The following CSMD1 variants were observed in gnomAD, a reference collection of about 807,000 sequenced individuals.
CSMD1 encodes the protein CUB and Sushi multiple domains 1.
In CSMD1, 213 loss-of-function variants were observed where a neutral mutation model predicts 417.5. The observed-to-expected ratio is 0.51, with a 90% CI of 0.46 to 0.57. The LOEUF (loss-of-function observed/expected upper bound fraction) is 0.57. Ranked by LOEUF, CSMD1 falls within the 20% of genes least tolerant of loss-of-function variation. The pLI is 0.00. For missense variants in CSMD1, 6,923 were observed against 4,529.7 expected (o/e 1.53, Z -15.17); for synonymous variants, 2,862 against 1,736.8 (o/e 1.65, Z -16.11).
At position 3,528,992 on chromosome 8, in the gene CSMD1, T is replaced by A. The variant is rs1015660053; in HGVS notation, c.1345-35266A>T. On this transcript the variant is annotated intron_variant, in intron 10 of 69. Transcript: ENST00000635120. ...CAGTTGATATACATTTATACTGACA[T>A]ATTTTCAGAAGCCCAAAATATTATC... 2.0e-5 allele frequency among the ~76,000 whole-genome samples: 3 copies of A among 152,226 alleles called. No homozygotes were observed. In the East Asian group the frequency reaches 5.8e-4, roughly 29 times the overall value.
chr8:3,014,451 T>A (rs924654702), intron 52 of CSMD1, among the ~76,000 whole-genome samples: 5 of 152,192 alleles, frequency 3.3e-5, no homozygotes, highest in African/African-American at 1.2e-4. Flanking sequence ...GGATATGAGT[T>A]TCACTCTAGG....
intron 3 of CSMD1, among the ~76,000 whole-genome samples, chr8:4,171,296 C>T (rs1008154367): frequency 1.3e-5 from 2 of 152,008 alleles, no homozygotes; most frequent in South Asian, 4.1e-4. Context: ...TTGTAAGCAA[C>T]CCTACGCCAG....
At chr8:4,966,431 G>A (rs1290852072) in intron 1 of CSMD1, among the ~76,000 whole-genome samples, 2 of 152,032 alleles carry the variant, frequency 1.3e-5, no homozygotes, top group African/African-American at 2.4e-5. Flanking sequence ...CCGGTATTTG[G>A]AACACATTTC....
At chr8:3,525,194 C>G (rs896604969) in intron 10 of CSMD1, among the ~76,000 whole-genome samples, 2 of 152,104 alleles carry the variant, frequency 1.3e-5, no homozygotes, top group Admixed American at 1.3e-4. Flanking sequence ...GAGACTCAGC[C>G]GTCAGAAATC....
intron 2 of CSMD1, among the ~76,000 whole-genome samples, chr8:4,476,618 G>C (rs912631368): frequency 6.6e-6 from 1 of 152,168 alleles, no homozygotes; most frequent in Non-Finnish European, 1.5e-5. Flanking sequence ...GAGGGTTTGA[G>C]ACTGCCTTTA....
At chr8:4,128,058 G>A (rs138200371) in intron 3 of CSMD1, among the ~76,000 whole-genome samples, 9 of 152,138 alleles carry the variant, frequency 5.9e-5, no homozygotes, top group African/African-American at 1.2e-4. Context: ...CATCTCAAGA[G>A]CAGTGGACAA....
At chr8:4,407,420 T>C (rs1214055592) in intron 3 of CSMD1, among the ~76,000 whole-genome samples, 2 of 152,220 alleles carry the variant, frequency 1.3e-5, no homozygotes, top group African/African-American at 4.8e-5. Context: ...TGCTGCAAAT[T>C]CAAACAATTG....
intron 2 of CSMD1, among the ~76,000 whole-genome samples, chr8:4,506,839 C>G (rs1366988607): frequency 6.6e-6 from 1 of 152,080 alleles, no homozygotes; most frequent in Non-Finnish European, 1.5e-5. Flanking sequence ...GGATAGAAAT[C>G]CATGTCTTAT....
chr8:3,090,309 T>G (rs973682226), intron 48 of CSMD1, among the ~76,000 whole-genome samples: 1 of 97,356 alleles, frequency 1.0e-5, no homozygotes, highest in Non-Finnish European at 2.0e-5. Flanking sequence ...AGAGCCAGAC[T>G]GTATTTCAAA....
intron 7 of CSMD1, among the ~76,000 whole-genome samples, chr8:3,666,908 C>G (rs923105321): frequency 2.6e-5 from 4 of 152,150 alleles, no homozygotes; most frequent in African/African-American, 9.7e-5. Flanking sequence ...ATTACACCTG[C>G]TATGGTGCAC....
intron 2 of CSMD1, among the ~76,000 whole-genome samples, chr8:4,442,364 T>G (rs1203359376): frequency 6.6e-6 from 1 of 152,204 alleles, no homozygotes; most frequent in Non-Finnish European, 1.5e-5. Context: ...CCCACACGTT[T>G]GCCTAGAGAT....
At chr8:3,178,887 T>C (rs911849018) in intron 37 of CSMD1, among the ~76,000 whole-genome samples, 3 of 152,108 alleles carry the variant, frequency 2.0e-5, no homozygotes, top group African/African-American at 7.2e-5. Flanking sequence ...ACAGTCCTGA[T>C]ACCATTTGAC....
At chr8:4,039,021 T>A (rs944502518) in intron 3 of CSMD1, among the ~76,000 whole-genome samples, 2 of 150,856 alleles carry the variant, frequency 1.3e-5, no homozygotes, top group Non-Finnish European at 2.9e-5. Flanking sequence ...TCATATTAAG[T>A]ATCTTTCCAA....
intron 3 of CSMD1, among the ~76,000 whole-genome samples, chr8:4,039,561 G>A (rs952389164): frequency 2.0e-5 from 3 of 152,180 alleles, no homozygotes; most frequent in African/African-American, 7.2e-5. Flanking sequence ...CTCCCAGGAG[G>A]TGGCAGTCAT....
chr8:4,451,832 T>G (rs969368488), intron 2 of CSMD1, among the ~76,000 whole-genome samples: 1 of 152,062 alleles, frequency 6.6e-6, no homozygotes, highest in Admixed American at 6.6e-5. Flanking sequence ...CAGTGAGTTT[T>G]GTTTACGTAA....
At chr8:4,532,356 G>C (rs1796865307) in intron 2 of CSMD1, among the ~76,000 whole-genome samples, 1 of 146,874 alleles carries the variant, frequency 6.8e-6, no homozygotes, top group Non-Finnish European at 1.5e-5. Context: ...GAGAAATCCT[G>C]CACCCGCATT....
intron 8 of CSMD1, among the ~76,000 whole-genome samples, chr8:3,586,898 C>G (rs1800626546): frequency 6.6e-6 from 1 of 152,166 alleles, no homozygotes; most frequent in Non-Finnish European, 1.5e-5. Context: ...CTCCGGGGTT[C>G]AAGCTATTCT....
At chr8:3,599,409 T>C (rs559793516) in intron 8 of CSMD1, among the ~76,000 whole-genome samples, 1 of 151,744 alleles carries the variant, frequency 6.6e-6, no homozygotes, top group East Asian at 2.0e-4. Context: ...TTCACCACAA[T>C]ATAGCACTAT....
chr8:3,785,839 G>C (rs1799428538), intron 5 of CSMD1, among the ~76,000 whole-genome samples: 1 of 152,168 alleles, frequency 6.6e-6, no homozygotes. Flanking sequence ...TTATTCCTGA[G>C]GGCTTTGGGA....
Sources: gnomAD v4.1 joint callset for allele counts (sites outside exome capture counted in the v4.1 genomes callset) on GRCh38, gnomAD v4.1.1 for gene constraint, MANE v1.5 for transcripts, NCBI Gene and HGNC (gene_info 2026-07-23, HGNC 2026-07-21) for gene names.